The following PPFIA1 variants were observed in gnomAD, a reference collection of about 807,000 sequenced individuals.
The protein encoded by PPFIA1 is liprin-alpha-1.
In PPFIA1, 25 loss-of-function variants were observed where a neutral mutation model predicts 149.9. The observed-to-expected ratio is 0.17, with a 90% CI of 0.12 to 0.23. The LOEUF (loss-of-function observed/expected upper bound fraction) is 0.23, where lower values mean the gene tolerates loss of function less well. PPFIA1 is among the 10% of genes least tolerant of loss of function. PPFIA1 has a pLI of 1.00. For missense variants in PPFIA1, 1,362 were observed against 1,506.5 expected (o/e 0.90, Z 1.59); for synonymous variants, 549 against 552.8 (o/e 0.99, Z 0.10).
intron 9 of PPFIA1, 22 bp from the exon 10 acceptor site, chr11:70,333,448 C>T (rs373766656): frequency 4.6e-5 from 73 of 1,596,430 alleles, no homozygotes; most frequent in South Asian, 4.1e-4. Flanking sequence ...ATGACGTCAG[C>T]GTACGCTGTT....
intron 18 of PPFIA1, 107 bp downstream of exon 18, chr11:70,355,918 C>CA: frequency 7.2e-7 from 1 of 1,382,778 alleles, no homozygotes; most frequent in Non-Finnish European, 9.9e-7. Context: ...GTGTGCTCTC[C>CA]AGGGAGCAGC....
In PPFIA1 at chr11:70,383,444, CAG is replaced by C. The variant is rs2057780564; in HGVS notation, c.*456_*457del. Reference sequence around the variant, plus strand: ...GGATTTTACGTTTATAAAATTATGACAGAAGCCATGTGCATTATCCTTTACGG... The same window carrying C: ...GGATTTTACGTTTATAAAATTATGACAAGCCATGTGCATTATCCTTTACGG... On this transcript the variant is annotated 3_prime_UTR_variant, in exon 28 of 28. Coordinates refer to ENST00000253925, the MANE Select transcript of PPFIA1 (RefSeq NM_003626.5). The C allele has an allele frequency of 5.6e-6, 1 of 179,062 alleles. No individual in the cohort carries two copies. The highest frequency in any genetic ancestry group is 2.4e-5 in the African/African-American group (1 of 41,574). 11.1% of individuals were successfully genotyped at this position (179,062 alleles called of 1,614,324 possible).
intron 7 of PPFIA1, among the ~76,000 whole-genome samples, chr11:70,329,741 G>A (rs992677448): frequency 1.3e-5 from 2 of 152,198 alleles, no homozygotes; most frequent in African/African-American, 2.4e-5. Context: ...CAGCCTGGGC[G>A]ATATAGTAAG....
At chr11:70,295,745 C>G (rs1445672618) in intron 2 of PPFIA1, among the ~76,000 whole-genome samples, 1 of 151,068 alleles carries the variant, frequency 6.6e-6, no homozygotes, top group East Asian at 2.0e-4. Context: ...GCTGACCCCC[C>G]CACCTCCCTC....
At chr11:70,299,636 C>G (rs1421648606) in intron 2 of PPFIA1, among the ~76,000 whole-genome samples, 1 of 152,182 alleles carries the variant, frequency 6.6e-6, no homozygotes, top group Non-Finnish European at 1.5e-5. Context: ...CCTGCTGTCT[C>G]TCCTGCCAGA....
At chr11:70,366,090 A>C (rs2056920666) in intron 21 of PPFIA1, 1 of 375,432 alleles carries the variant, frequency 2.7e-6, no homozygotes. Flanking sequence ...TTCGGAGTAC[A>C]GGATTGTTAA....
chr11:70,379,791 C>A (rs2057636981), intron 26 of PPFIA1, among the ~76,000 whole-genome samples: 1 of 152,108 alleles, frequency 6.6e-6, no homozygotes, highest in South Asian at 2.1e-4. Context: ...GTGAGAATAG[C>A]TTACTTTGTG....
chr11:70,335,478 G>A (rs1371361867), intron 10 of PPFIA1, 85 bp from the exon 11 acceptor site: 2 of 1,513,048 alleles, frequency 1.3e-6, no homozygotes, highest in South Asian at 1.2e-5. Flanking sequence ...GCACACATGG[G>A]GCTCACCCTG....
In PPFIA1 at chr11:70,303,192, G is replaced by T. The variant is rs77209024; in HGVS notation, c.265-21210G>T. 9.4e-3 allele frequency among the ~76,000 whole-genome samples: 1,429 copies of T among 152,144 alleles called. 55 individuals are homozygous for T. Among genetic ancestry groups the T allele is most frequent in the East Asian group, 0.079 (408 of 5,166 alleles). Reference sequence around the variant, plus strand: ...GCATTGCACTGTGGTTCTAGACCCCGGTCTGACGCAGTGTCGGGCAGCCCT... The same window carrying T: ...GCATTGCACTGTGGTTCTAGACCCCTGTCTGACGCAGTGTCGGGCAGCCCT... On this transcript the variant is annotated intron_variant, in intron 2 of 27. Transcript: ENST00000253925.
At chr11:70,333,651 G>A (rs1255937471) in intron 10 of PPFIA1, 98 bp downstream of exon 10, 1 of 934,196 alleles carries the variant, frequency 1.1e-6, no homozygotes, top group Non-Finnish European at 1.7e-6. Context: ...TGACTGAGAT[G>A]TTGGTCCTCC....
intron 2 of PPFIA1, among the ~76,000 whole-genome samples, chr11:70,286,452 T>C (rs1005316090): frequency 3.3e-5 from 5 of 152,196 alleles, no homozygotes; most frequent in African/African-American, 1.2e-4. Context: ...GGTTTCACCA[T>C]GTTGGCCAGG....
intron 2 of PPFIA1, among the ~76,000 whole-genome samples, chr11:70,272,846 A>G (rs2050172386): frequency 6.6e-6 from 1 of 152,188 alleles, no homozygotes; most frequent in South Asian, 2.1e-4. Context: ...GACAAATAGG[A>G]TTGATTTCAC....
At chr11:70,297,207 G>A (rs962181130) in intron 2 of PPFIA1, among the ~76,000 whole-genome samples, 1 of 152,044 alleles carries the variant, frequency 6.6e-6, no homozygotes, top group South Asian at 2.1e-4. Context: ...CCAGGAGTTC[G>A]AGACCAGCCT....
At chr11:70,333,631 C>T in intron 10 of PPFIA1, 78 bp downstream of exon 10, 1 of 1,102,980 alleles carries the variant, frequency 9.1e-7, no homozygotes, top group Non-Finnish European at 1.4e-6. Context: ...AGCTCAGGGC[C>T]TCCCACCCCT....
chr11:70,350,923 C>A (rs2056017273), intron 16 of PPFIA1: 1 of 928,504 alleles, frequency 1.1e-6, no homozygotes, highest in Admixed American at 3.8e-5. Flanking sequence ...TATACTGATC[C>A]TTGAATTTTT....
Position 70,374,980 on chromosome 11 carries a change from T to C in PPFIA1, c.3202T>C (p.Tyr1068His). 6.2e-7 allele frequency: 1 copy of C among 1,613,764 alleles called. No homozygotes were observed. The highest frequency in any genetic ancestry group is 8.5e-7 in the Non-Finnish European group (1 of 1,179,906). The change falls in exon 24 of 28, where the codon TAT becomes CAT. Residue 1068 changes from tyrosine (Y) to histidine (H), a missense_variant. Around this residue, in one of 7 missense-constraint regions of PPFIA1, gnomAD observed 349 missense variants for 373.3 expected, o/e 0.93. Transcript: ENST00000253925. The stretch of plus-strand genomic sequence containing the variant: ...GATCCTGTCAATTGGCCTTAAAGAA[T>C]ATGCAAACAATCTTATAGAGAGTGG... ...RWILSIGLKE[Y>H]ANNLIESGVH...
intron 2 of PPFIA1, among the ~76,000 whole-genome samples, chr11:70,312,494 G>A (rs920299070): frequency 6.6e-5 from 10 of 152,084 alleles, no homozygotes; most frequent in African/African-American, 2.4e-4. Flanking sequence ...CCTAGCTAGC[G>A]AATTAGCATT....
intron 16 of PPFIA1, 38 bp from the exon 17 acceptor site, chr11:70,354,263 C>G (rs1179391666): frequency 1.3e-6 from 2 of 1,573,702 alleles, no homozygotes; most frequent in Admixed American, 1.9e-5. Flanking sequence ...TTTTCACAGT[C>G]TGCTGTTAAC....
At chr11:70,331,915 G>A in intron 8 of PPFIA1, 45 bp from the exon 9 acceptor site, 1 of 1,575,742 alleles carries the variant, frequency 6.3e-7, no homozygotes, top group East Asian at 2.3e-5. Flanking sequence ...AAACTGATCA[G>A]CTAGAAGATT....
Sources: gnomAD v4.1 joint callset for allele counts (sites outside exome capture counted in the v4.1 genomes callset) on GRCh38, gnomAD v4.1.1 for gene constraint, gnomAD v4.1.1 regional missense constraint, MANE v1.5 for transcripts, NCBI Gene and HGNC (gene_info 2026-07-23, HGNC 2026-07-21) for gene names.